Variants in CA10 observed in about 807,000 individuals in gnomAD.
The protein encoded by CA10 is carbonic anhydrase 10 (inactive).
In CA10, 14 loss-of-function variants were observed where a neutral mutation model predicts 44.2. The ratio of observed to expected loss-of-function variants is 0.32; its 90% confidence interval spans 0.21 to 0.50. The LOEUF (loss-of-function observed/expected upper bound fraction) is 0.50. Ranked by LOEUF, CA10 falls within the 20% of genes least tolerant of loss-of-function variation. The probability of loss-of-function intolerance (pLI) is 0.99; values close to 1 mark genes in which losing one functional copy is unlikely to be tolerated. For missense variants in CA10, 350 were observed against 409.7 expected, an observed-to-expected ratio of 0.85 and a Z score of 1.26; for synonymous variants, 159 against 141.6, an observed-to-expected ratio of 1.12 and a Z score of -0.87.
chr17:51,835,007 C>G (rs1908423567), intron 3 of CA10, among the ~76,000 whole-genome samples: 1 of 152,102 alleles, frequency 6.6e-6, no homozygotes, highest in South Asian at 2.1e-4. Flanking sequence ...ATGGGACCAA[C>G]CCTTCCCTGC....
chr17:51,767,626 T>C (rs1335600200), intron 3 of CA10, among the ~76,000 whole-genome samples: 1 of 152,106 alleles, frequency 6.6e-6, no homozygotes, highest in African/African-American at 2.4e-5. Context: ...CGAAGCACAT[T>C]ACATTTATTG....
chr17:51,901,695 G>A (rs1397020341), intron 3 of CA10, among the ~76,000 whole-genome samples: 1 of 152,134 alleles, frequency 6.6e-6, no homozygotes, highest in African/African-American at 2.4e-5. Context: ...CTGGGTGACA[G>A]AGTGAGACTC....
chr17:52,131,070 A>T (rs1989227628), intron 1 of CA10, among the ~76,000 whole-genome samples: 2 of 151,896 alleles, frequency 1.3e-5, no homozygotes, highest in Non-Finnish European at 2.9e-5. Flanking sequence ...ACACAATATT[A>T]CATATGATAA....
intron 3 of CA10, among the ~76,000 whole-genome samples, chr17:51,831,733 A>AGCAGCAGCCGCCGCAGCAGC (rs1567854687): frequency 8.2e-6 from 1 of 121,522 alleles, no homozygotes; most frequent in African/African-American, 4.1e-5. Context: ...GCAGCAGCAG[A>AGCAGCAGCCGCCGCAGCAGC]AAAAGACCTT....
intron 4 of CA10, among the ~76,000 whole-genome samples, chr17:51,703,334 TTATCTTTCCATGATAA>T (rs1037122132): frequency 1.2e-4 from 19 of 152,152 alleles, no homozygotes; most frequent in African/African-American, 4.3e-4. Context: ...TGGAATATCA[TTATCTTTCCATGATAA>T]TATCTTTCCA....
chr17:51,680,366 T>C (rs1914803604), intron 4 of CA10, among the ~76,000 whole-genome samples: 2 of 152,224 alleles, frequency 1.3e-5, no homozygotes, highest in Non-Finnish European at 2.9e-5. Flanking sequence ...GACTGCCAGC[T>C]TCCTTCTGAA....
intron 3 of CA10, among the ~76,000 whole-genome samples, chr17:51,838,923 T>C (rs1978297358): frequency 6.6e-6 from 1 of 152,194 alleles, no homozygotes; most frequent in Non-Finnish European, 1.5e-5. Flanking sequence ...TAAAGCTATT[T>C]TGTTTTCATT....
At chr17:51,954,738 T>C (rs2144039074) in intron 2 of CA10, among the ~76,000 whole-genome samples, 1 of 152,336 alleles carries the variant, frequency 6.6e-6, no homozygotes, top group South Asian at 2.1e-4. Context: ...CAGGAGAGAC[T>C]GCAAATGAGT....
chr17:51,671,209 C>T (rs554209809), intron 4 of CA10, among the ~76,000 whole-genome samples: 2 of 152,052 alleles, frequency 1.3e-5, no homozygotes, highest in African/African-American at 2.4e-5. Flanking sequence ...TGGCTCTTCC[C>T]GGCTGCTAAT....
chr17:51,820,651 G>A (rs1216756744), intron 3 of CA10, among the ~76,000 whole-genome samples: 1 of 151,956 alleles, frequency 6.6e-6, no homozygotes, highest in Non-Finnish European at 1.5e-5. Flanking sequence ...AGAGTCAGAA[G>A]ACCTAAGTTT....
At chr17:52,120,334 A>G (rs1241251496) in intron 1 of CA10, among the ~76,000 whole-genome samples, 6 of 152,272 alleles carry the variant, frequency 3.9e-5, no homozygotes, top group South Asian at 2.1e-4. Flanking sequence ...ATATAGGCCT[A>G]TGAGGGAGAT....
intron 3 of CA10, among the ~76,000 whole-genome samples, chr17:51,850,312 T>A (rs1162816964): frequency 1.3e-5 from 2 of 152,166 alleles, no homozygotes; most frequent in African/African-American, 2.4e-5. Context: ...GAGATCCAGT[T>A]TACTGCTTTA....
chr17:51,770,406 C>G (rs1346671344), intron 3 of CA10, among the ~76,000 whole-genome samples: 1 of 151,660 alleles, frequency 6.6e-6, no homozygotes, highest in African/African-American at 2.4e-5. Context: ...CAAACCCTCC[C>G]CCGAGACCCT....
At chr17:51,656,337 G>C (rs1394684331) in intron 4 of CA10, among the ~76,000 whole-genome samples, 2 of 152,212 alleles carry the variant, frequency 1.3e-5, no homozygotes, top group African/African-American at 2.4e-5. Flanking sequence ...GTTCTTTTGG[G>C]AGCCAGGAAC....
chr17:51,646,511 T>C (rs1242154761), intron 6 of CA10, among the ~76,000 whole-genome samples: 1 of 152,116 alleles, frequency 6.6e-6, no homozygotes, highest in Admixed American at 6.5e-5. Flanking sequence ...GGTTGATTTC[T>C]GTCTCTCGAA....
intron 2 of CA10, among the ~76,000 whole-genome samples, chr17:51,959,770 C>A (rs1983813881): frequency 8.5e-6 from 1 of 118,284 alleles, no homozygotes. Flanking sequence ...TGACAAGAAC[C>A]ATGGGAGACT....
At chr17:51,714,129 C>T (rs1308951588) in intron 4 of CA10, among the ~76,000 whole-genome samples, 1 of 152,098 alleles carries the variant, frequency 6.6e-6, no homozygotes, top group Non-Finnish European at 1.5e-5. Flanking sequence ...GCACTGACAC[C>T]AGTTCCTGAG....
At chr17:51,790,035 G>T (rs1906452399) in intron 3 of CA10, among the ~76,000 whole-genome samples, 1 of 152,190 alleles carries the variant, frequency 6.6e-6, no homozygotes, top group South Asian at 2.1e-4. Context: ...GCTGGGTGAA[G>T]CTGGGTCAGT....
rs778581362 is a variant in CA10 at position 51,636,034 on chromosome 17, A to G, written c.635-25T>C. On this transcript the variant is annotated intron_variant, in intron 6 of 8. Transcript: ENST00000451037. ...TCTAGAGAAGGAAAGAAGACTTAAA[A>G]ATTAGGTTTCTTGAGAAAGGGATGG... 4 of 1,518,764 alleles carry G rather than the reference A, an allele frequency of 2.6e-6. No individual in the cohort carries two copies. In the Admixed American group the frequency reaches 8.0e-5, roughly 31 times the overall value. The allele number at this position is 1,518,764 out of a possible 1,614,324, so 94.1% of individuals were successfully genotyped here.
Sources: gnomAD v4.1 joint callset for allele counts (sites outside exome capture counted in the v4.1 genomes callset) on GRCh38, gnomAD v4.1.1 for gene constraint, MANE v1.5 for transcripts, NCBI Gene and HGNC (gene_info 2026-07-23, HGNC 2026-07-21) for gene names.